Variants in CDH13 observed in about 807,000 individuals in gnomAD.
CDH13 encodes cadherin 13.
In CDH13, 24 loss-of-function variants were observed where a neutral mutation model predicts 63.8. That is an observed-to-expected ratio of 0.38 (90% CI 0.27 to 0.53). CDH13 has a LOEUF of 0.53. Ranked by LOEUF, CDH13 falls within the 20% of genes least tolerant of loss-of-function variation. CDH13 has a pLI of 0.85. For missense variants in CDH13, 1,049 were observed against 903.1 expected (o/e 1.16, Z -2.07); for synonymous variants, 503 against 355.3 (o/e 1.42, Z -4.67).
intron 9 of CDH13, among the ~76,000 whole-genome samples, chr16:83,674,795 C>G: frequency 6.6e-6 from 1 of 152,236 alleles, no homozygotes. Flanking sequence ...TAGCTGCTTT[C>G]TAAACCGATT....
intron 6 of CDH13, among the ~76,000 whole-genome samples, chr16:83,430,030 T>C (rs1220674639): frequency 1.3e-5 from 2 of 152,208 alleles, no homozygotes; most frequent in East Asian, 1.9e-4. Context: ...CTCATCTAAG[T>C]TGATCTGGTA....
intron 2 of CDH13, among the ~76,000 whole-genome samples, chr16:82,949,290 C>G (rs1034375125): frequency 2.6e-5 from 4 of 152,190 alleles, no homozygotes; most frequent in Non-Finnish European, 4.4e-5. Flanking sequence ...AGCTGAATCA[C>G]TGCAATCTCT....
chr16:83,547,482 G>C (rs1313602613), intron 7 of CDH13, among the ~76,000 whole-genome samples: 1 of 152,074 alleles, frequency 6.6e-6, no homozygotes, highest in Non-Finnish European at 1.5e-5. Flanking sequence ...GCCCTAGTGT[G>C]TGTTGTTCCC....
intron 1 of CDH13, among the ~76,000 whole-genome samples, chr16:82,848,529 T>C (rs2039356213): frequency 6.6e-6 from 1 of 152,136 alleles, no homozygotes; most frequent in African/African-American, 2.4e-5. Context: ...TTGTCTATTT[T>C]GGTGATGTCT....
chr16:82,711,998 C>T (rs2031982725), intron 1 of CDH13, among the ~76,000 whole-genome samples: 1 of 152,202 alleles, frequency 6.6e-6, no homozygotes, highest in Admixed American at 6.5e-5. Flanking sequence ...GTCCAGAGGC[C>T]TCAGCCTTAA....
chr16:83,402,538 G>A lies in CDH13; in HGVS notation c.781+57532G>A, dbSNP rs12596352. Among the ~76,000 whole-genome samples the A allele has an allele frequency of 8.7e-3, 1,323 of 152,264 alleles. 34 individuals are homozygous for A. Among genetic ancestry groups the A allele is most frequent in the East Asian group, 0.067 (349 of 5,176 alleles). Reference sequence around the variant, plus strand: ...GTCTATGGCCTTCTCTTCATCACTTGCCCCAGCAAGTCTCTCCTCAAAGGA... The same window carrying A: ...GTCTATGGCCTTCTCTTCATCACTTACCCCAGCAAGTCTCTCCTCAAAGGA... On this transcript the variant is annotated intron_variant, in intron 6 of 13. Coordinates refer to ENST00000567109, the MANE Select transcript of CDH13 (RefSeq NM_001257.5).
intron 1 of CDH13, among the ~76,000 whole-genome samples, chr16:82,629,251 CTATTTATT>C (rs1907720755): frequency 6.6e-6 from 1 of 152,170 alleles, no homozygotes; most frequent in African/African-American, 2.4e-5. Context: ...AAGGCTCACT[CTATTTATT>C]TAGATGAAGG....
At chr16:83,646,658 C>T (rs973672913) in intron 8 of CDH13, among the ~76,000 whole-genome samples, 2 of 141,280 alleles carry the variant, frequency 1.4e-5, no homozygotes, top group African/African-American at 5.2e-5. Flanking sequence ...CGCGATTGCA[C>T]TCCAGCCTGG....
intron 10 of CDH13, among the ~76,000 whole-genome samples, chr16:83,686,081 C>G (rs949693038): frequency 6.6e-6 from 1 of 152,210 alleles, no homozygotes; most frequent in Non-Finnish European, 1.5e-5. Flanking sequence ...GAGAACCTCC[C>G]TGAGCCGTGG....
intron 7 of CDH13, among the ~76,000 whole-genome samples, chr16:83,519,138 C>T (rs1002908556): frequency 1.3e-5 from 2 of 152,140 alleles, no homozygotes; most frequent in Admixed American, 6.5e-5. Context: ...GGGACTGGGA[C>T]ACACTGGAAA....
At chr16:83,480,691 G>A (rs553244533) in intron 6 of CDH13, among the ~76,000 whole-genome samples, 2 of 152,098 alleles carry the variant, frequency 1.3e-5, no homozygotes, top group Non-Finnish European at 2.9e-5. Context: ...ACCTCATTCT[G>A]GTTTGCCCAG....
intron 1 of CDH13, among the ~76,000 whole-genome samples, chr16:82,738,197 C>A (rs2033771449): frequency 6.6e-6 from 1 of 152,112 alleles, no homozygotes; most frequent in Non-Finnish European, 1.5e-5. Context: ...ATGATGGGTG[C>A]TTTGTGGTGA....
At chr16:83,793,451 A>G (rs991389087) in intron 13 of CDH13, among the ~76,000 whole-genome samples, 4 of 152,204 alleles carry the variant, frequency 2.6e-5, no homozygotes, top group African/African-American at 4.8e-5. Context: ...GGTGCTGGGA[A>G]GACAGGCTCT....
At chr16:83,003,940 C>T (rs141245327) in intron 2 of CDH13, among the ~76,000 whole-genome samples, 33 of 152,224 alleles carry the variant, frequency 2.2e-4, no homozygotes, top group Non-Finnish European at 4.0e-4. Context: ...AGTGGATTTG[C>T]TCCATGTAAA....
At chr16:83,561,889 AC>A (rs1357400592) in intron 7 of CDH13, among the ~76,000 whole-genome samples, 4 of 152,218 alleles carry the variant, frequency 2.6e-5, no homozygotes, top group Non-Finnish European at 5.9e-5. Context: ...AAGACAGAGC[AC>A]CAAAATCAAA....
intron 7 of CDH13, among the ~76,000 whole-genome samples, chr16:83,489,942 G>T (rs1262551656): frequency 6.6e-6 from 1 of 151,924 alleles, no homozygotes; most frequent in African/African-American, 2.4e-5. Flanking sequence ...CAAATTGCGT[G>T]TTGGAACAAT....
At chr16:82,686,445 C>T (rs1011027899) in intron 1 of CDH13, among the ~76,000 whole-genome samples, 3 of 152,118 alleles carry the variant, frequency 2.0e-5, no homozygotes, top group African/African-American at 4.8e-5. Context: ...CTGGTGTCAA[C>T]GGAGATTGTA....
intron 8 of CDH13, among the ~76,000 whole-genome samples, chr16:83,670,427 C>T: frequency 6.6e-6 from 1 of 152,186 alleles, no homozygotes; most frequent in East Asian, 1.9e-4. Flanking sequence ...CAAGCTCCTC[C>T]TTCCTTGTAG....
At chr16:83,556,279 C>G (rs943437584) in intron 7 of CDH13, among the ~76,000 whole-genome samples, 2 of 152,044 alleles carry the variant, frequency 1.3e-5, no homozygotes, top group African/African-American at 4.8e-5. Context: ...CCTAAAAATC[C>G]TTGCTCATGT....
Sources: gnomAD v4.1 joint callset for allele counts (sites outside exome capture counted in the v4.1 genomes callset) on GRCh38, gnomAD v4.1.1 for gene constraint, MANE v1.5 for transcripts, NCBI Gene and HGNC (gene_info 2026-07-23, HGNC 2026-07-21) for gene names.